Variants in NTM observed in about 807,000 individuals in gnomAD.
NTM encodes IgLON family member 2.
NTM carries 13 observed loss-of-function variants against 42.1 expected under a neutral mutation model. The ratio of observed to expected loss-of-function variants is 0.31; its 90% CI spans 0.20 to 0.49. NTM has a LOEUF of 0.49. NTM is among the 20% of genes least tolerant of loss of function. The pLI, the probability that NTM is intolerant of heterozygous loss-of-function variation, is 0.99. For missense variants in NTM, 373 were observed against 452.8 expected, an observed-to-expected ratio of 0.82 and a Z score of 1.60; for synonymous variants, 187 against 179.2, an observed-to-expected ratio of 1.04 and a Z score of -0.35.
intron 1 of NTM, among the ~76,000 whole-genome samples, chr11:131,639,008 A>G (rs1327714898): frequency 6.6e-6 from 1 of 152,216 alleles, no homozygotes; most frequent in Non-Finnish European, 1.5e-5. Context: ...AGCTGCTACT[A>G]TTATACTCAT....
chr11:131,874,660 C>A (rs2048318570), intron 1 of NTM, among the ~76,000 whole-genome samples: 1 of 152,202 alleles, frequency 6.6e-6, no homozygotes, highest in African/African-American at 2.4e-5. Flanking sequence ...TTGCGTAGAT[C>A]TATCTCTATT....
At chr11:132,065,848 AG>A (rs2056398957) in intron 2 of NTM, among the ~76,000 whole-genome samples, 1 of 152,232 alleles carries the variant, frequency 6.6e-6, no homozygotes, top group African/African-American at 2.4e-5. Flanking sequence ...AAACTCAGAA[AG>A]GTACAGAAAC....
intron 1 of NTM, among the ~76,000 whole-genome samples, chr11:131,811,880 T>C (rs1436401147): frequency 6.6e-6 from 1 of 152,238 alleles, no homozygotes; most frequent in African/African-American, 2.4e-5. Flanking sequence ...AAAATTGTTT[T>C]TCACCTTTCA....
intron 1 of NTM, among the ~76,000 whole-genome samples, chr11:131,461,682 C>G (rs1356930036): frequency 7.9e-6 from 1 of 127,304 alleles, no homozygotes; most frequent in Admixed American, 8.4e-5. Context: ...TTGAGGAGAG[C>G]AGATCTTAAG....
At chr11:131,988,171 A>G (rs1027322864) in intron 2 of NTM, among the ~76,000 whole-genome samples, 1 of 152,216 alleles carries the variant, frequency 6.6e-6, no homozygotes, top group African/African-American at 2.4e-5. Flanking sequence ...AAGGACACTA[A>G]TTCCACTTAT....
intron 4 of NTM, among the ~76,000 whole-genome samples, chr11:132,225,961 C>T (rs560474582): frequency 9.9e-5 from 15 of 152,086 alleles, no homozygotes; most frequent in African/African-American, 2.7e-4. Flanking sequence ...GAACATGTGG[C>T]GTTTGGTTTT....
intron 4 of NTM, among the ~76,000 whole-genome samples, chr11:132,257,089 G>A (rs952114663): frequency 2.6e-5 from 4 of 152,268 alleles, no homozygotes; most frequent in African/African-American, 4.8e-5. Context: ...AAATCAAAGC[G>A]CGCTCTGGCA....
At chr11:131,425,336 C>T (rs1267743239) in intron 1 of NTM, among the ~76,000 whole-genome samples, 2 of 152,260 alleles carry the variant, frequency 1.3e-5, no homozygotes, top group Middle Eastern at 3.4e-3. Context: ...GTTCCTGCCG[C>T]GAGTTACAAA....
At chr11:131,584,739 G>A (rs1053094162) in intron 1 of NTM, among the ~76,000 whole-genome samples, 8 of 152,230 alleles carry the variant, frequency 5.3e-5, no homozygotes, top group Admixed American at 2.6e-4. Context: ...CACCCTGGAC[G>A]GAGCCATTTC....
intron 4 of NTM, chr11:132,284,628 CTG>C (rs2094150499): frequency 6.5e-6 from 1 of 153,248 alleles, no homozygotes; most frequent in Non-Finnish European, 1.5e-5. Context: ...TGCCCTCACA[CTG>C]TGATACTGGC....
At chr11:132,305,905 G>A (rs558727650) in intron 4 of NTM, among the ~76,000 whole-genome samples, 82 of 152,306 alleles carry the variant, frequency 5.4e-4, no homozygotes, top group African/African-American at 1.9e-3. Context: ...TTATGAAGAG[G>A]TTCCTTCTTT....
chr11:132,082,093 G>T (rs1417894409), intron 2 of NTM, among the ~76,000 whole-genome samples: 1 of 151,110 alleles, frequency 6.6e-6, no homozygotes, highest in Admixed American at 6.6e-5. Flanking sequence ...CTCAAAAAAA[G>T]CTTCATCAAG....
intron 2 of NTM, among the ~76,000 whole-genome samples, chr11:132,048,818 C>CTTTTTTT (rs10563617): frequency 5.3e-5 from 7 of 132,992 alleles, no homozygotes; most frequent in Middle Eastern, 4.1e-3. Flanking sequence ...TTTCTTTTTT[C>CTTTTTTT]TTTTTTTTTT....
intron 1 of NTM, among the ~76,000 whole-genome samples, chr11:131,432,090 A>G (rs1948702834): frequency 6.6e-6 from 1 of 152,206 alleles, no homozygotes; most frequent in Non-Finnish European, 1.5e-5. Context: ...CTGCATTTCC[A>G]AGACCTCATC....
chr11:131,914,273 C>A (rs2055875656), intron 2 of NTM, among the ~76,000 whole-genome samples: 1 of 151,902 alleles, frequency 6.6e-6, no homozygotes, highest in African/African-American at 2.4e-5. Flanking sequence ...GGACAGAGGA[C>A]CCTTCCTTCC....
chr11:132,148,549 G>A (rs1176647160), intron 3 of NTM, among the ~76,000 whole-genome samples: 1 of 152,144 alleles, frequency 6.6e-6, no homozygotes, highest in Non-Finnish European at 1.5e-5. Flanking sequence ...GCTTTAGGAA[G>A]CAGGGCCTCA....
intron 1 of NTM, among the ~76,000 whole-genome samples, chr11:131,878,445 C>T (rs2048853528): frequency 6.6e-6 from 1 of 150,674 alleles, no homozygotes; most frequent in Admixed American, 6.6e-5. Context: ...CATGGTGGCG[C>T]ATGCCTCCCA....
chr11:131,488,139 GC>G (rs1954384783), intron 1 of NTM, among the ~76,000 whole-genome samples: 2 of 152,172 alleles, frequency 1.3e-5, no homozygotes. Flanking sequence ...GGCTTCAGGG[GC>G]TTTTCCCATT....
chr11:132,051,877 C>T (rs1265711535), intron 2 of NTM, among the ~76,000 whole-genome samples: 1 of 152,160 alleles, frequency 6.6e-6, no homozygotes, highest in Non-Finnish European at 1.5e-5. Context: ...GCACCATGAT[C>T]CCTGAAGATT....
Sources: gnomAD v4.1 joint callset for allele counts (sites outside exome capture counted in the v4.1 genomes callset) on GRCh38, gnomAD v4.1.1 for gene constraint, MANE v1.5 for transcripts, NCBI Gene and HGNC (gene_info 2026-07-23, HGNC 2026-07-21) for gene names.